RGS6: variants seen among roughly 807,000 people sequenced by gnomAD.
The protein encoded by RGS6 is regulator of G protein signaling 6.
In RGS6, 30 loss-of-function variants were observed where a neutral mutation model predicts 78.5. That is an observed-to-expected ratio of 0.38 (90% CI 0.29 to 0.52). RGS6 has a LOEUF of 0.52. Among genes scored for constraint, RGS6 ranks in the 20% least tolerant of loss-of-function variants. The pLI, the probability that RGS6 is intolerant of heterozygous loss-of-function variation, is 0.85. For missense variants in RGS6, 495 were observed against 609.7 expected, an observed-to-expected ratio of 0.81 and a Z score of 1.98; for synonymous variants, 206 against 206.0, an observed-to-expected ratio of 1.00 and a Z score of 0.00.
At chr14:72,329,949 T>C (rs1012484487) in intron 2 of RGS6, among the ~76,000 whole-genome samples, 5 of 152,240 alleles carry the variant, frequency 3.3e-5, no homozygotes, top group African/African-American at 1.2e-4. Context: ...GGTCAAAGGC[T>C]ACTGTGCCAA....
At chr14:72,326,809 G>A (rs1364829388) in intron 2 of RGS6, among the ~76,000 whole-genome samples, 2 of 152,184 alleles carry the variant, frequency 1.3e-5, no homozygotes, top group Non-Finnish European at 2.9e-5. Context: ...CCGGGCTCAC[G>A]CCATTGTCCT....
the RGS6 span, among the ~76,000 whole-genome samples, chr14:71,890,358 C>CAGACAGACAGAG: frequency 1.5e-3 from 196 of 133,090 alleles, 2 homozygotes; most frequent in African/African-American, 5.6e-3. Context: ...GTGCATAAGA[C>CAGACAGACAGAG]AGAGAGAGAG....
chr14:72,292,215 A>G (rs1043942483), intron 2 of RGS6, among the ~76,000 whole-genome samples: 1 of 152,222 alleles, frequency 6.6e-6, no homozygotes, highest in African/African-American at 2.4e-5. Context: ...TTGAGTCACA[A>G]GCGTAGACTT....
the RGS6 span, among the ~76,000 whole-genome samples, chr14:72,602,768 T>A: frequency 2.0e-5 from 3 of 152,228 alleles, no homozygotes; most frequent in African/African-American, 7.2e-5. Context: ...ATGTATATTT[T>A]TAAACGGCAT....
intron 2 of RGS6, among the ~76,000 whole-genome samples, chr14:72,307,740 G>T (rs2067585067): frequency 6.6e-6 from 1 of 151,852 alleles, no homozygotes; most frequent in Non-Finnish European, 1.5e-5. Context: ...AAATCATCTT[G>T]CCTATGACTC....
Position 72,504,711 on chromosome 14 carries a change from C to CCTCCT in RGS6, c.966-5438_966-5434dup, listed in dbSNP as rs368085370. 3.8e-3 allele frequency among the ~76,000 whole-genome samples: 566 copies of CCTCCT among 150,828 alleles called. 10 individuals carry two copies. Among genetic ancestry groups the CCTCCT allele is most frequent in the African/African-American group, 0.014 (553 of 40,954 alleles). ...GTTACAGCAGTTTAGGTTCCTCTCC[C>CCTCCT]CTCCTCTCCCCTCCCCTCCTCTCCC... is the stretch of plus-strand genomic sequence containing the variant. On this transcript the variant is annotated intron_variant, in intron 13 of 17. Transcript: ENST00000553525.
chr14:72,474,499 G>GA lies in RGS6; in HGVS notation c.619-117dup, dbSNP rs370523111. 431 of 846,186 alleles carry GA rather than the reference G, an allele frequency of 5.1e-4. 1 individual carries two copies. Among genetic ancestry groups the GA allele is most frequent in the African/African-American group, 8.0e-4 (46 of 57,556 alleles). 52.4% of individuals were successfully genotyped at this position (846,186 alleles called of 1,614,324 possible). On this transcript the variant is annotated intron_variant, in intron 9 of 17. Coordinates refer to ENST00000553525, the MANE Select transcript of RGS6 (RefSeq NM_001204424.2). Reference sequence around the variant, plus strand: ...GAGGAATGCATATTATGGCAAAATGGAAAAAAAAATCATGCATTGTCTGTA... The same window carrying GA: ...GAGGAATGCATATTATGGCAAAATGGAAAAAAAAAATCATGCATTGTCTGTA...
intron 5 of RGS6, among the ~76,000 whole-genome samples, chr14:72,459,220 A>G (rs1490618328): frequency 6.6e-6 from 1 of 152,150 alleles, no homozygotes; most frequent in African/African-American, 2.4e-5. Context: ...CGTAGAGGGA[A>G]TGAGGGCAGA....
intron 2 of RGS6, among the ~76,000 whole-genome samples, chr14:72,041,411 C>T (rs113639919): frequency 6.6e-5 from 10 of 152,162 alleles, no homozygotes; most frequent in African/African-American, 9.7e-5. Context: ...GTAGGTTCTC[C>T]GGTACAGCAA....
At chr14:71,940,399 G>A (rs2090329989) in intron 1 of RGS6, among the ~76,000 whole-genome samples, 2 of 152,298 alleles carry the variant, frequency 1.3e-5, no homozygotes, top group Admixed American at 6.5e-5. Flanking sequence ...ATTGAATGAG[G>A]AGCCGTGATT....
intron 3 of RGS6, among the ~76,000 whole-genome samples, chr14:72,373,800 C>T (rs1333612579): frequency 6.6e-6 from 1 of 151,874 alleles, no homozygotes; most frequent in African/African-American, 2.4e-5. Context: ...CCCAAAAATT[C>T]AAGCAAAAAT....
chr14:72,300,479 C>T (rs1183399035), intron 2 of RGS6, among the ~76,000 whole-genome samples: 6 of 152,196 alleles, frequency 3.9e-5, no homozygotes, highest in African/African-American at 1.4e-4. Context: ...AGCATTCTGT[C>T]TCAGCCTGTC....
chr14:72,506,111 T>C (rs4903029), intron 13 of RGS6, among the ~76,000 whole-genome samples: 99,931 of 151,966 alleles, frequency 0.66, 33,366 homozygotes, highest in East Asian at 0.96. Context: ...GGACACTTCA[T>C]CCACATCACT....
chr14:72,071,969 C>T (rs934442665), intron 2 of RGS6, among the ~76,000 whole-genome samples: 1 of 152,146 alleles, frequency 6.6e-6, no homozygotes, highest in Non-Finnish European at 1.5e-5. Flanking sequence ...TATTTAAGTT[C>T]CTTCTCTGTA....
At chr14:71,894,891 C>G in the RGS6 span, among the ~76,000 whole-genome samples, 1 of 151,430 alleles carries the variant, frequency 6.6e-6, no homozygotes, top group Non-Finnish European at 1.5e-5. Flanking sequence ...ATGGTGTGAT[C>G]TCAGCTGGGA....
rs1213954773 is a variant in RGS6, at chr14:72,022,910, G to A, written c.84+58035G>A. ...TGGAGGTAAACACAGCGATGCCTACGTTTATACAGTGAGTGCTTTTTCTTT... is the reference window on the plus strand; with the variant it reads ...TGGAGGTAAACACAGCGATGCCTACATTTATACAGTGAGTGCTTTTTCTTT... On this transcript the variant is annotated intron_variant, in intron 2 of 17. Coordinates refer to ENST00000553525, the MANE Select transcript of RGS6 (RefSeq NM_001204424.2). Among the ~76,000 whole-genome samples, 9 of 152,140 alleles carry A rather than the reference G, an allele frequency of 5.9e-5. No individual in the cohort carries two copies. In the East Asian group the frequency reaches 1.5e-3, roughly 26 times the overall value.
intron 2 of RGS6, among the ~76,000 whole-genome samples, chr14:72,337,861 A>G (rs1335480652): frequency 6.6e-6 from 1 of 152,260 alleles, no homozygotes; most frequent in Non-Finnish European, 1.5e-5. Flanking sequence ...CCTACAGTCC[A>G]TCAAATGCTT....
At chr14:72,057,963 T>C (rs748467014) in intron 2 of RGS6, among the ~76,000 whole-genome samples, 18 of 152,190 alleles carry the variant, frequency 1.2e-4, no homozygotes, top group Non-Finnish European at 2.6e-4. Context: ...GATCACACCA[T>C]CTCTGCATGC....
the RGS6 span, among the ~76,000 whole-genome samples, chr14:71,874,934 A>T: frequency 1.3e-5 from 2 of 152,148 alleles, no homozygotes; most frequent in African/African-American, 4.8e-5. Flanking sequence ...TGTTTATCTG[A>T]TGGATTACGT....
Sources: allele counts gnomAD v4.1 joint callset (sites outside exome capture counted in the v4.1 genomes callset), GRCh38; gene constraint gnomAD v4.1.1; transcripts MANE v1.5; gene names NCBI Gene and HGNC (gene_info 2026-07-23, HGNC 2026-07-21).